Variants in CCSER1 observed in about 807,000 individuals in gnomAD.
CCSER1 encodes coiled-coil serine rich protein 1.
Under a neutral mutation model 82.0 loss-of-function variants are expected in CCSER1, and 41 were observed. The observed-to-expected ratio is 0.50, with a 90% confidence interval of 0.39 to 0.65. The LOEUF is 0.65. Among genes scored for constraint, CCSER1 ranks in the 30% least tolerant of loss-of-function variants. The pLI, the probability that CCSER1 is intolerant of heterozygous loss-of-function variation, is 0.00. For missense variants in CCSER1, 1,119 were observed against 1,064.2 expected (o/e 1.05, Z -0.72); for synonymous variants, 414 against 383.9 (o/e 1.08, Z -0.92).
intron 10 of CCSER1, among the ~76,000 whole-genome samples, chr4:91,515,845 G>T (rs1760078578): frequency 6.9e-6 from 1 of 145,130 alleles, no homozygotes; most frequent in African/African-American, 2.6e-5. Flanking sequence ...CTTTTTCTCT[G>T]CAATCTTGCC....
intron 9 of CCSER1, among the ~76,000 whole-genome samples, chr4:90,972,693 T>C (rs915252355): frequency 6.6e-5 from 10 of 151,650 alleles, no homozygotes; most frequent in African/African-American, 2.4e-4. Context: ...TCATAACAGG[T>C]ACAGAATACC....
At chr4:91,443,093 T>C (rs1324110906) in intron 10 of CCSER1, among the ~76,000 whole-genome samples, 1 of 152,000 alleles carries the variant, frequency 6.6e-6, no homozygotes, top group Admixed American at 6.6e-5. Context: ...GAACTAGAAA[T>C]ACCATTTGAC....
intron 1 of CCSER1, among the ~76,000 whole-genome samples, chr4:90,166,570 C>T (rs1264279759): frequency 2.0e-5 from 3 of 151,814 alleles, no homozygotes; most frequent in Non-Finnish European, 4.4e-5. Flanking sequence ...TACTCTTTAG[C>T]TAATGTCATT....
At chr4:90,616,870 A>T (rs1432938753) in intron 5 of CCSER1, among the ~76,000 whole-genome samples, 1 of 152,174 alleles carries the variant, frequency 6.6e-6, no homozygotes, top group African/African-American at 2.4e-5. Flanking sequence ...TGGCTTTTAG[A>T]GTTTGGCTTA....
intron 10 of CCSER1, among the ~76,000 whole-genome samples, chr4:91,372,897 A>G (rs1750141071): frequency 6.6e-6 from 1 of 152,174 alleles, no homozygotes; most frequent in African/African-American, 2.4e-5. Flanking sequence ...TGGAGTGCTG[A>G]ATCTGCTTTC....
At chr4:91,525,309 T>G (rs572120130) in intron 10 of CCSER1, among the ~76,000 whole-genome samples, 326 of 152,262 alleles carry the variant, frequency 2.1e-3, no homozygotes, top group Non-Finnish European at 3.6e-3. Flanking sequence ...AGGAAGATCC[T>G]TAAGATTGAT....
intron 9 of CCSER1, among the ~76,000 whole-genome samples, chr4:90,994,360 A>G (rs1737305399): frequency 6.6e-6 from 1 of 152,134 alleles, no homozygotes; most frequent in South Asian, 2.1e-4. Flanking sequence ...CCTATTTTAT[A>G]ATAAAATATT....
At chr4:91,139,126 A>G (rs1728777190) in intron 10 of CCSER1, among the ~76,000 whole-genome samples, 1 of 152,160 alleles carries the variant, frequency 6.6e-6, no homozygotes, top group Non-Finnish European at 1.5e-5. Flanking sequence ...AAGTAAAAAC[A>G]TGTGGTATTT....
chr4:90,779,416 A>C (rs1220742551), intron 7 of CCSER1, among the ~76,000 whole-genome samples: 2 of 152,194 alleles, frequency 1.3e-5, no homozygotes, highest in African/African-American at 4.8e-5. Flanking sequence ...TACTTTAAAA[A>C]AAAAAAATCT....
At chr4:91,234,498 A>G (rs1266465987) in intron 10 of CCSER1, among the ~76,000 whole-genome samples, 1 of 152,114 alleles carries the variant, frequency 6.6e-6, no homozygotes, top group African/African-American at 2.4e-5. Context: ...AAAGCCAGAA[A>G]TATTTATATT....
chr4:91,225,534 G>T (rs1377873988), intron 10 of CCSER1, among the ~76,000 whole-genome samples: 3 of 150,614 alleles, frequency 2.0e-5, no homozygotes, highest in African/African-American at 7.3e-5. Context: ...TATATTCCTG[G>T]ATGTGAAAAG....
intron 4 of CCSER1, among the ~76,000 whole-genome samples, chr4:90,443,365 T>A (rs1760176105): frequency 1.3e-5 from 2 of 152,074 alleles, no homozygotes; most frequent in South Asian, 2.1e-4. Context: ...ACTACCACAG[T>A]CAGTTAGGTA....
chr4:91,473,852 G>A (rs1413392041), intron 10 of CCSER1, among the ~76,000 whole-genome samples: 1 of 151,866 alleles, frequency 6.6e-6, no homozygotes, highest in African/African-American at 2.4e-5. Flanking sequence ...ATCCAGGCTT[G>A]GCCACATCTT....
chr4:91,394,818 T>C (rs1341873916), intron 10 of CCSER1, among the ~76,000 whole-genome samples: 2 of 151,620 alleles, frequency 1.3e-5, no homozygotes, highest in Non-Finnish European at 2.9e-5. Context: ...CTACTTTAAA[T>C]GTATAATAGA....
At chr4:90,563,343 C>T (rs1250837604) in intron 5 of CCSER1, among the ~76,000 whole-genome samples, 3 of 151,708 alleles carry the variant, frequency 2.0e-5, no homozygotes, top group Non-Finnish European at 4.4e-5. Context: ...ATCTCTTGAC[C>T]TTGTGATTTG....
chr4:91,276,293 C>CTTTTT (rs545936410), intron 10 of CCSER1, among the ~76,000 whole-genome samples: 3 of 116,268 alleles, frequency 2.6e-5, no homozygotes, highest in Non-Finnish European at 3.6e-5. Flanking sequence ...GATGTCTTTC[C>CTTTTT]TTTTTTTTTT....
intron 9 of CCSER1, among the ~76,000 whole-genome samples, chr4:90,933,049 G>GAAAGAAAGAAAGA (rs1477696736): frequency 1.0e-5 from 1 of 97,358 alleles, no homozygotes; most frequent in African/African-American, 4.8e-5. Context: ...AGAAAGAGAA[G>GAAAGAAAGAAAGA]GAAGGAACGA....
chr4:90,633,335 GT>G (rs939609270), intron 6 of CCSER1, among the ~76,000 whole-genome samples: 2 of 151,814 alleles, frequency 1.3e-5, no homozygotes, highest in African/African-American at 2.4e-5. Flanking sequence ...TGTACAATAT[GT>G]TTTTTTCTCA....
At chr4:90,334,523 T>C (rs1243105831) in intron 3 of CCSER1, among the ~76,000 whole-genome samples, 3 of 151,406 alleles carry the variant, frequency 2.0e-5, no homozygotes, top group Non-Finnish European at 4.4e-5. Context: ...ATAAACTTTA[T>C]ATTGCAATTT....
Sources: allele counts gnomAD v4.1 joint callset (sites outside exome capture counted in the v4.1 genomes callset), GRCh38; gene constraint gnomAD v4.1.1; transcripts MANE v1.5; gene names NCBI Gene and HGNC (gene_info 2026-07-23, HGNC 2026-07-21).